Variants in ARHGEF3 observed in about 807,000 individuals in gnomAD.
The protein encoded by ARHGEF3 is Rho guanine nucleotide exchange factor 3.
A neutral mutation model predicts 63.2 loss-of-function variants in ARHGEF3; 28 were observed. The observed-to-expected ratio is 0.44, with a 90% confidence interval of 0.33 to 0.61. ARHGEF3 has a LOEUF of 0.61. ARHGEF3 is among the 20% of genes least tolerant of loss of function. The pLI, the probability that ARHGEF3 is intolerant of heterozygous loss-of-function variation, is 0.03. For synonymous variants in ARHGEF3, 266 were observed against 254.2 expected, an observed-to-expected ratio of 1.05 and a Z score of -0.44; for missense variants, 533 against 659.3, an observed-to-expected ratio of 0.81 and a Z score of 2.10.
At chr3:56,755,223 T>A in intron 2 of ARHGEF3, 72 bp from the exon 3 acceptor site, 1 of 1,482,678 alleles carries the variant, frequency 6.7e-7, no homozygotes, top group Non-Finnish European at 9.2e-7. Context: ...CAGTTTCCTG[T>A]CGTTGACGGA....
At chr3:56,868,796 T>C (rs2040340038) in intron 4 of ARHGEF3, among the ~76,000 whole-genome samples, 1 of 152,186 alleles carries the variant, frequency 6.6e-6, no homozygotes, top group Non-Finnish European at 1.5e-5. Context: ...ACAGCTTAGA[T>C]GCGCCTTCTC....
chr3:56,913,702 G>A (rs1467129164), intron 3 of ARHGEF3, among the ~76,000 whole-genome samples: 3 of 152,182 alleles, frequency 2.0e-5, no homozygotes, highest in Non-Finnish European at 4.4e-5. Context: ...ATGTAAACTA[G>A]TACAACTGCT....
chr3:56,914,494 TAC>T (rs976359547), intron 3 of ARHGEF3, among the ~76,000 whole-genome samples: 41 of 152,306 alleles, frequency 2.7e-4, no homozygotes, highest in African/African-American at 8.9e-4. Flanking sequence ...AGCCTTGTAA[TAC>T]AGAGGGTAGT....
chr3:57,034,514 TA>T (rs1416175153), intron 2 of ARHGEF3, among the ~76,000 whole-genome samples: 2 of 152,138 alleles, frequency 1.3e-5, no homozygotes, highest in Non-Finnish European at 2.9e-5. Context: ...GTCCTACTTA[TA>T]CCAACTCTTC....
chr3:56,789,359 G>T (rs1389946116), intron 1 of ARHGEF3, among the ~76,000 whole-genome samples: 1 of 152,172 alleles, frequency 6.6e-6, no homozygotes, highest in African/African-American at 2.4e-5. Context: ...AGGATGGTTT[G>T]AATCATTTTA....
intron 8 of ARHGEF3, among the ~76,000 whole-genome samples, chr3:56,733,345 G>A (rs1337382979): frequency 1.5e-5 from 1 of 66,078 alleles, no homozygotes; most frequent in African/African-American, 5.6e-5. Context: ...GGGGGGGGGG[G>A]GGCGCCTGTA....
rs1704243613 is a variant in ARHGEF3, at chr3:57,042,669, TATATATATATATATATATA to T, written c.-27-7512_-27-7494del. ...GTACATAAATATATATATATATATA[TATATATATATATATATATA>T]TATATATATATATTTTTTTTTTTTT... On this transcript the variant is annotated intron_variant, in intron 1 of 12. Transcript: ENST00000338458. Among the ~76,000 whole-genome samples the T allele has an allele frequency of 1.5e-3, 21 of 14,280 alleles. 1 individual carries two copies. The highest frequency in any genetic ancestry group is 6.4e-3 in the African/African-American group (17 of 2,642). 9.4% of individuals were successfully genotyped at this position (14,280 alleles called of 152,430 possible).
Position 56,729,419 on chromosome 3 carries a change from G to A in ARHGEF3, c.1432C>T (p.Gln478Ter). ...ATCTGCTCAAGTTTTGTTTCTCCCT[G>A]TAGCTCTCTGCTCCCGGTGGTGGGA... ...LNPTTGSREL[Q>*]GETKLEQMDQ... is the part of the protein sequence containing the mutation. The change falls in exon 10 of 10, where the codon CAG (glutamine) becomes TAG (stop). Residue 478 changes from glutamine to a stop codon, truncating the protein, a stop_gained. Transcript: ENST00000296315. LOFTEE classifies it high-confidence loss of function. 2 of 1,614,054 alleles carry A rather than the reference G, an allele frequency of 1.2e-6. No individual in the cohort carries two copies. The highest frequency in any genetic ancestry group is 1.1e-5 in the South Asian group (1 of 91,072).
At chr3:56,923,057 TATATATATATATATATATAA>T (rs1343472767) in intron 3 of ARHGEF3, among the ~76,000 whole-genome samples, 6 of 14,800 alleles carry the variant, frequency 4.1e-4, no homozygotes, top group African/African-American at 9.4e-4. Context: ...TATATATATA[TATATATATATATATATATAA>T]ATTAGTTGGG....
intron 3 of ARHGEF3, among the ~76,000 whole-genome samples, chr3:56,893,187 A>AT (rs2041181743): frequency 6.6e-6 from 1 of 151,134 alleles, no homozygotes; most frequent in Non-Finnish European, 1.5e-5. Flanking sequence ...ATTTTATTTT[A>AT]TTTTTTTAGA....
intron 4 of ARHGEF3, among the ~76,000 whole-genome samples, chr3:56,810,658 AT>A (rs2038029902): frequency 6.7e-6 from 1 of 149,444 alleles, no homozygotes; most frequent in South Asian, 2.3e-4. Context: ...ATATGGCAGT[AT>A]TCATATCATC....
chr3:56,733,788 A>G (rs1026961878), intron 8 of ARHGEF3, among the ~76,000 whole-genome samples: 7 of 152,074 alleles, frequency 4.6e-5, no homozygotes, highest in African/African-American at 1.7e-4. Flanking sequence ...GTTCAAGACC[A>G]GCCTGGCCAA....
chr3:56,830,081 A>G (rs1445562395), intron 4 of ARHGEF3, among the ~76,000 whole-genome samples: 2 of 152,226 alleles, frequency 1.3e-5, no homozygotes, highest in Non-Finnish European at 2.9e-5. Context: ...TCAGGGTCAT[A>G]GAATTTGTAA....
chr3:57,052,977 G>A (rs1704739774), intron 1 of ARHGEF3, among the ~76,000 whole-genome samples: 1 of 152,138 alleles, frequency 6.6e-6, no homozygotes, highest in Admixed American at 6.5e-5. Flanking sequence ...CCCAGGGTGT[G>A]GGTGCAGGTG....
At chr3:56,915,078 G>A (rs2041949951) in intron 3 of ARHGEF3, among the ~76,000 whole-genome samples, 1 of 152,042 alleles carries the variant, frequency 6.6e-6, no homozygotes, top group Admixed American at 6.5e-5. Context: ...ACAAGAGCTG[G>A]AATTAGGGTT....
intron 1 of ARHGEF3, among the ~76,000 whole-genome samples, chr3:56,780,132 C>T (rs2036498719): frequency 6.6e-6 from 1 of 152,132 alleles, no homozygotes; most frequent in Non-Finnish European, 1.5e-5. Flanking sequence ...GACTATACAC[C>T]TCTGCTTCAT....
intron 1 of ARHGEF3, chr3:57,078,945 C>T (rs534107334): frequency 3.2e-6 from 1 of 311,556 alleles, no homozygotes; most frequent in South Asian, 1.6e-4. Context: ...CTAGTCGAGG[C>T]TGGCGGTGGC....
chr3:56,801,762 T>C lies in ARHGEF3; in HGVS notation c.37A>G (p.Lys13Glu), dbSNP rs1470223365. The C allele has an allele frequency of 1.3e-6, 2 of 1,569,762 alleles. No individual in the cohort carries two copies. Among genetic ancestry groups the C allele is most frequent in the Admixed American group, 3.7e-5 (2 of 53,754 alleles). The change falls in exon 1 of 10, where the codon AAG becomes GAG. Residue 13 changes from lysine to glutamate, a missense_variant. Around this residue, in one of 4 missense-constraint regions of ARHGEF3, gnomAD observed 160 missense variants for 157.3 expected, o/e 1.02. Transcript: ENST00000296315. ...AGCTCCAGGCTGCAGTTCGCTCTCTTGACCGTGAGGTAGAAGGGGTAATCC... is the reference window on the plus strand; with the variant it reads ...AGCTCCAGGCTGCAGTTCGCTCTCTCGACCGTGAGGTAGAAGGGGTAATCC... The part of the protein sequence containing the change: ...AKDYPFYLTV[K>E]RANCSLELPP...
At chr3:56,742,866 C>T (rs748858147) in intron 7 of ARHGEF3, among the ~76,000 whole-genome samples, 33 of 152,210 alleles carry the variant, frequency 2.2e-4, no homozygotes, top group Non-Finnish European at 1.5e-5. Flanking sequence ...TTGAATTACA[C>T]ACAATCATAT....
Sources: allele counts gnomAD v4.1 joint callset (sites outside exome capture counted in the v4.1 genomes callset), GRCh38; gene constraint gnomAD v4.1.1; regional missense constraint gnomAD v4.1.1; transcripts MANE v1.5; gene names NCBI Gene and HGNC (gene_info 2026-07-23, HGNC 2026-07-21).